The following PBX1 variants were observed in gnomAD, a reference collection of about 807,000 sequenced individuals.
PBX1 encodes the protein PBX homeobox 1.
In PBX1, 6 loss-of-function variants were observed where a neutral mutation model predicts 53.4. The ratio of observed to expected loss-of-function variants is 0.11; its 90% CI spans 0.06 to 0.22. The LOEUF (loss-of-function observed/expected upper bound fraction) is 0.22. Among genes scored for constraint, PBX1 ranks in the 10% least tolerant of loss-of-function variants. The pLI, the probability that PBX1 is intolerant of heterozygous loss-of-function variation, is 1.00. For missense variants in PBX1, 251 were observed against 551.4 expected (o/e 0.46, Z 5.46); for synonymous variants, 204 against 212.3 (o/e 0.96, Z 0.34).
intron 2 of PBX1, among the ~76,000 whole-genome samples, chr1:164,764,218 A>G (rs1557992919): frequency 6.6e-6 from 1 of 152,184 alleles, no homozygotes; most frequent in Non-Finnish European, 1.5e-5. Flanking sequence ...TAAAGGCTTT[A>G]GGAGTTACAA....
At chr1:164,691,058 A>G (rs1662449040) in intron 2 of PBX1, among the ~76,000 whole-genome samples, 1 of 118,080 alleles carries the variant, frequency 8.5e-6, no homozygotes. Flanking sequence ...TTTGTCACCC[A>G]GGCTGGAGTG....
chr1:164,560,232 T>TTGTG (rs146379931), intron 1 of PBX1: 16 of 460,088 alleles, frequency 3.5e-5, no homozygotes, highest in Middle Eastern at 1.1e-3. Context: ...GTGTACATAT[T>TTGTG]TGTGTGTGTG....
intron 2 of PBX1, among the ~76,000 whole-genome samples, chr1:164,706,579 A>G (rs1160310553): frequency 6.6e-6 from 1 of 152,210 alleles, no homozygotes; most frequent in Admixed American, 6.5e-5. Flanking sequence ...GGATTCATGC[A>G]GTCACATATA....
chr1:164,579,062 T>C (rs1176322784), intron 2 of PBX1, among the ~76,000 whole-genome samples: 6 of 151,966 alleles, frequency 3.9e-5, no homozygotes, highest in African/African-American at 9.7e-5. Flanking sequence ...TCTGTGACAT[T>C]TGCTCACCTG....
intron 2 of PBX1, among the ~76,000 whole-genome samples, chr1:164,675,289 A>G (rs375746121): frequency 5.3e-5 from 8 of 152,320 alleles, no homozygotes; most frequent in African/African-American, 1.7e-4. Context: ...CTGACCCTTG[A>G]CATGGAAGAG....
At chr1:164,607,517 C>T (rs567853138) in intron 2 of PBX1, among the ~76,000 whole-genome samples, 13 of 152,062 alleles carry the variant, frequency 8.5e-5, no homozygotes, top group African/African-American at 2.2e-4. Flanking sequence ...AGAGAGTTGA[C>T]GAGTTAGATT....
intron 2 of PBX1, among the ~76,000 whole-genome samples, chr1:164,566,331 G>A (rs1653431785): frequency 6.6e-6 from 1 of 151,990 alleles, no homozygotes; most frequent in Non-Finnish European, 1.5e-5. Context: ...ATACATTTTC[G>A]CTTTTAAAAA....
intron 2 of PBX1, among the ~76,000 whole-genome samples, chr1:164,790,671 G>A (rs774711515): frequency 3.3e-5 from 5 of 152,106 alleles, no homozygotes; most frequent in East Asian, 1.9e-4. Context: ...TGATGGTCTC[G>A]TGTTTTGTGA....
intron 2 of PBX1, among the ~76,000 whole-genome samples, chr1:164,668,130 C>T (rs1660910271): frequency 6.6e-6 from 1 of 152,072 alleles, no homozygotes; most frequent in African/African-American, 2.4e-5. Context: ...TATGTCATAC[C>T]ACCCTCCTGT....
At chr1:164,643,522 G>A (rs1659272182) in intron 2 of PBX1, among the ~76,000 whole-genome samples, 4 of 152,118 alleles carry the variant, frequency 2.6e-5, no homozygotes, top group African/African-American at 9.7e-5. Context: ...TTAAGTTCCA[G>A]AATGTGACCT....
intron 6 of PBX1, chr1:164,813,360 C>T (rs535564078): frequency 2.6e-4 from 40 of 152,302 alleles, no homozygotes; most frequent in African/African-American, 7.9e-4. Context: ...AGAATTCAAT[C>T]CAGTTTTAAT....
chr1:164,881,836 C>G (rs1672666768), intron 2 of PBX1, among the ~76,000 whole-genome samples: 1 of 152,138 alleles, frequency 6.6e-6, no homozygotes, highest in Non-Finnish European at 1.5e-5. Flanking sequence ...GTCCTAAGAT[C>G]TGGAACTTGA....
intron 4 of PBX1, among the ~76,000 whole-genome samples, chr1:164,805,506 C>T (rs1358138402): frequency 6.6e-6 from 1 of 152,188 alleles, no homozygotes; most frequent in African/African-American, 2.4e-5. Flanking sequence ...ACCACCAGCT[C>T]ATTCCAGAGA....
At chr1:164,678,754 G>GT (rs1661581626) in intron 2 of PBX1, among the ~76,000 whole-genome samples, 1 of 152,140 alleles carries the variant, frequency 6.6e-6, no homozygotes, top group Admixed American at 6.5e-5. Context: ...ACAGTGCTAA[G>GT]GAAACCACAG....
intron 2 of PBX1, among the ~76,000 whole-genome samples, chr1:164,620,938 C>T (rs1375473444): frequency 6.6e-6 from 1 of 152,112 alleles, no homozygotes; most frequent in Non-Finnish European, 1.5e-5. Flanking sequence ...CCACCTCAGC[C>T]TCCCAAAGTG....
At chr1:164,859,148 G>A (rs1016552194) in intron 2 of PBX1, among the ~76,000 whole-genome samples, 2 of 152,136 alleles carry the variant, frequency 1.3e-5, no homozygotes, top group Admixed American at 6.5e-5. Flanking sequence ...AGGGATACCC[G>A]GTTGTTCCCC....
chr1:164,821,712 CTTAGTAGGGCTTATCTTAGCT>C, intron 8 of PBX1, 86 bp downstream of exon 8: 1 of 926,042 alleles, frequency 1.1e-6, no homozygotes. Context: ...CAGAATGCCA[CTTAGTAGGGCTTATCTTAGCT>C]TTACGGTCAC....
intron 2 of PBX1, among the ~76,000 whole-genome samples, chr1:164,687,148 A>G (rs1400400137): frequency 1.3e-5 from 2 of 152,176 alleles, no homozygotes; most frequent in African/African-American, 2.4e-5. Flanking sequence ...TTTTGTATGC[A>G]GAGTATTAAC....
intron 2 of PBX1, among the ~76,000 whole-genome samples, chr1:164,583,664 A>G (rs1038225515): frequency 6.6e-6 from 1 of 152,092 alleles, no homozygotes; most frequent in Admixed American, 6.5e-5. Flanking sequence ...AACTACCACA[A>G]CTGGTTTTAT....
Sources: gnomAD v4.1 joint callset for allele counts (sites outside exome capture counted in the v4.1 genomes callset) on GRCh38, gnomAD v4.1.1 for gene constraint, MANE v1.5 for transcripts, NCBI Gene and HGNC (gene_info 2026-07-23, HGNC 2026-07-21) for gene names.